The following GNL3L variants were observed in gnomAD, a reference collection of about 807,000 sequenced individuals.
The protein encoded by GNL3L is guanine nucleotide-binding protein-like 3-like protein.
Under a neutral mutation model 42.9 loss-of-function variants are expected in GNL3L, and 4 were observed. The ratio of observed to expected loss-of-function variants is 0.09; its 90% confidence interval spans 0.05 to 0.21. GNL3L has a LOEUF of 0.21. Ranked by LOEUF, GNL3L falls within the 10% of genes least tolerant of loss-of-function variation. The pLI is 1.00. For synonymous variants in GNL3L, 159 were observed against 176.3 expected (o/e 0.90, Z 0.78); for missense variants, 412 against 481.7 (o/e 0.86, Z 1.36).
intron 16 of GNL3L, among the ~76,000 whole-genome samples, chrX:54,599,402 G>A (rs1925976380): frequency 9.2e-6 from 1 of 108,645 alleles, no homozygotes; most frequent in Non-Finnish European, 1.9e-5. Flanking sequence ...TGAATCTTGA[G>A]TCTACATATA....
At chrX:54,541,227 C>A in intron 4 of GNL3L, 46 bp from the exon 5 acceptor site, 1 of 911,311 alleles carries the variant, frequency 1.1e-6, no homozygotes, top group Non-Finnish European at 1.6e-6. Flanking sequence ...CTCCCTTAGG[C>A]TGCAGACCCA....
At chrX:54,573,701 T>A (rs150312419) in intron 16 of GNL3L, among the ~76,000 whole-genome samples, 322 of 111,570 alleles carry the variant, frequency 2.9e-3, no homozygotes, top group African/African-American at 0.01. Flanking sequence ...TAAATTTGGG[T>A]GTTTGAAAAT....
intron 2 of GNL3L, among the ~76,000 whole-genome samples, chrX:54,536,799 ACAG>A (rs1297854087): frequency 4.0e-5 from 4 of 100,124 alleles, no homozygotes; most frequent in African/African-American, 1.1e-4. Context: ...AAAAAAAAAA[ACAG>A]AGAGAGAGAG....
chrX:54,556,908 C>T (rs889576758), intron 14 of GNL3L, among the ~76,000 whole-genome samples: 7 of 110,773 alleles, frequency 6.3e-5, no homozygotes, highest in African/African-American at 2.0e-4. Flanking sequence ...AGGCCGGGCG[C>T]GGTGGCTCAT....
chrX:54,563,367 C>T lies in GNL3L; in HGVS notation c.*2765C>T, dbSNP rs1488655997. 9.0e-6 allele frequency among the ~76,000 whole-genome samples: 1 copy of T among 111,134 alleles called. No homozygotes were observed. The highest frequency in any genetic ancestry group is 1.9e-5 in the Non-Finnish European group (1 of 53,137). Reference sequence around the variant, plus strand: ...CGGGTTTATCAGGAGGTGACCCCATCGGTAATGGAGAAGTGCTGGGAGGTA... The same window carrying T: ...CGGGTTTATCAGGAGGTGACCCCATTGGTAATGGAGAAGTGCTGGGAGGTA... On this transcript the variant is annotated 3_prime_UTR_variant, in exon 16 of 16. Coordinates refer to ENST00000360845, the MANE Select transcript of GNL3L (RefSeq NM_001184819.2).
chrX:54,572,034 T>C (rs1016945286), downstream of GNL3L, among the ~76,000 whole-genome samples: 3 of 108,801 alleles, frequency 2.8e-5, no homozygotes, highest in Non-Finnish European at 5.7e-5. Context: ...TATTGATCAT[T>C]CTTGGGTGTT....
chrX:54,585,640 T>G (rs1412105721), intron 16 of GNL3L, among the ~76,000 whole-genome samples: 1 of 111,947 alleles, frequency 8.9e-6, no homozygotes, highest in Non-Finnish European at 1.9e-5. Flanking sequence ...GTCTTCATGT[T>G]TTTTCTTAGT....
chrX:54,559,965 A>G (rs150054783), intron 15 of GNL3L, among the ~76,000 whole-genome samples: 241 of 111,298 alleles, frequency 2.2e-3, no homozygotes, highest in African/African-American at 6.8e-3. Context: ...GCACGAGCAC[A>G]TAGTAATCAC....
At chrX:54,637,408 T>TAC in the GNL3L span, among the ~76,000 whole-genome samples, 1 of 112,161 alleles carries the variant, frequency 8.9e-6, no homozygotes, top group Non-Finnish European at 1.9e-5. Flanking sequence ...TGTGTGTGTA[T>TAC]ACACACATAT....
At position 54,607,065 on chromosome X, in the gene GNL3L, T is replaced by TCTTTC. The variant is rs1569542617; in HGVS notation, c.*46-13780_*46-13779insCTTTC. On this transcript the variant is annotated intron_variant, in intron 16 of 16. Transcript: ENST00000674498. The stretch of plus-strand genomic sequence containing the variant: ...CTTTCTTTCTTTCTTTCTTTCTTTC[T>TCTTTC]TTCTTTCTCTTTCTTTCTTCTTTCT... Among the ~76,000 whole-genome samples the TCTTTC allele has an allele frequency of 3.1e-3, 202 of 64,300 alleles. 25 individuals are homozygous for TCTTTC. Among genetic ancestry groups the TCTTTC allele is most frequent in the African/African-American group, 0.021 (195 of 9,504 alleles). 55.8% of individuals were successfully genotyped at this position (64,300 alleles called of 115,157 possible). A position where few individuals can be genotyped will look rare whatever the true frequency, so the allele number is the denominator to read the frequency against.
rs865912258 is a variant in GNL3L at position 54,607,022 on chromosome X, T to C, written c.*46-13823T>C. 1.9e-3 allele frequency among the ~76,000 whole-genome samples: 115 copies of C among 61,648 alleles called. 2 individuals carry two copies. The highest frequency in any genetic ancestry group is 0.013 in the African/African-American group (107 of 8,352). 53.5% of individuals were successfully genotyped at this position (61,648 alleles called of 115,157 possible). On this transcript the variant is annotated intron_variant, in intron 16 of 16. Transcript: ENST00000674498. ...TTTCTTTCTTTCTTTCTTTCTTTCT[T>C]TCTTTCTTTCTTTCTTTCTTTCTTT...
chrX:54,564,127 A>G lies in GNL3L; in HGVS notation c.*3525A>G, dbSNP rs1569542245. Among the ~76,000 whole-genome samples, 1 of 110,792 alleles carries G rather than the reference A, an allele frequency of 9.0e-6. No individual in the cohort carries two copies. Among genetic ancestry groups the G allele is most frequent in the Non-Finnish European group, 1.9e-5 (1 of 53,016 alleles). On this transcript the variant is annotated 3_prime_UTR_variant, in exon 16 of 16. Coordinates refer to ENST00000360845, the MANE Select transcript of GNL3L (RefSeq NM_001184819.2). Reference sequence around the variant, plus strand: ...TCTGCCCCTATAGTTTTGCTTTAGTATGACTGTCATATCAATAGAATCATA... The same window carrying G: ...TCTGCCCCTATAGTTTTGCTTTAGTGTGACTGTCATATCAATAGAATCATA...
Position 54,543,008 on chromosome X carries a change from G to C in GNL3L, c.360G>C (p.Thr120=). 8.4e-7 allele frequency: 1 copy of C among 1,190,693 alleles called. No homozygotes were observed. The highest frequency in any genetic ancestry group is 1.1e-6 in the Non-Finnish European group (1 of 876,613). ...TTCCTCAGCTGGATGACGAGGCCAC[G>C]AGGAAGGCTTATTACAAGGAGTTCC... ...NMFPQLDDEA[T]RKAYYKEFRK... is the part of the protein sequence containing the mutation. Residue 120 remains threonine, a synonymous_variant, in exon 6 of 16, where the codon ACG becomes ACC. Transcript: ENST00000360845.
chrX:54,635,207 T>G, the GNL3L span, among the ~76,000 whole-genome samples: 2 of 111,985 alleles, frequency 1.8e-5, no homozygotes, highest in East Asian at 5.6e-4. Context: ...AATTTTTCAT[T>G]TCAATCATTG....
At chrX:54,627,346 G>A in the GNL3L span, among the ~76,000 whole-genome samples, 379 of 110,967 alleles carry the variant, frequency 3.4e-3, 2 homozygotes, top group African/African-American at 0.012. Flanking sequence ...AGTATCAGTT[G>A]TAATGTTTCC....
intron 16 of GNL3L, among the ~76,000 whole-genome samples, chrX:54,582,826 A>G (rs1569542430): frequency 8.9e-6 from 1 of 112,002 alleles, no homozygotes; most frequent in Non-Finnish European, 1.9e-5. Context: ...CAAGTGATCC[A>G]CCTGCCTTGG....
At chrX:54,627,552 A>C in the GNL3L span, among the ~76,000 whole-genome samples, 3 of 110,438 alleles carry the variant, frequency 2.7e-5, no homozygotes. Context: ...TCCACTAATT[A>C]TGGTTTTGGT....
intron 16 of GNL3L, among the ~76,000 whole-genome samples, chrX:54,614,245 C>A (rs1262532440): frequency 9.0e-6 from 1 of 111,130 alleles, no homozygotes; most frequent in Admixed American, 9.5e-5. Flanking sequence ...TCCCAGCAAA[C>A]GAAGGGCCTG....
intron 9 of GNL3L, among the ~76,000 whole-genome samples, chrX:54,550,194 A>G (rs1223211165): frequency 1.0e-5 from 1 of 99,977 alleles, no homozygotes; most frequent in Non-Finnish European, 2.0e-5. Flanking sequence ...GATACTGAGA[A>G]TGGGAATGAC....
Sources: gnomAD v4.1 joint callset for allele counts (sites outside exome capture counted in the v4.1 genomes callset) on GRCh38, gnomAD v4.1.1 for gene constraint, MANE v1.5 for transcripts, NCBI Gene and HGNC (gene_info 2026-07-23, HGNC 2026-07-21) for gene names.